The following NOX5 variants were observed in gnomAD, a reference collection of about 807,000 sequenced individuals.
NOX5 encodes NADPH oxidase 5, also known as NADPH oxidase, EF-hand calcium binding domain 5.
Under a neutral mutation model 85.7 loss-of-function variants are expected in NOX5, and 76 were observed. The ratio of observed to expected loss-of-function variants is 0.89; its 90% CI spans 0.74 to 1.07. The LOEUF is 1.07. Among genes scored for constraint, NOX5 ranks in the 50% least tolerant of loss-of-function variants. The pLI is 0.00. For missense variants in NOX5, 973 were observed against 999.5 expected (o/e 0.97, Z 0.36); for synonymous variants, 405 against 401.4 (o/e 1.01, Z -0.11).
Position 69,053,549 on chromosome 15 carries a change from A to T in NOX5, c.2000-1785A>T, listed in dbSNP as rs188867902. On this transcript the variant is annotated intron_variant, in intron 14 of 15. Transcript: ENST00000388866. ...CCGTAAATTATTTAACCAAGCTCCT[A>T]CTACTGTACATTTTGTTTATTCCTC... 2.6e-3 allele frequency among the ~76,000 whole-genome samples: 399 copies of T among 152,340 alleles called. 1 individual carries two copies. Among genetic ancestry groups the T allele is most frequent in the Admixed American group, 0.01 (157 of 15,294 alleles).
intron 10 of NOX5, among the ~76,000 whole-genome samples, chr15:69,045,388 T>A (rs908622326): frequency 3.9e-5 from 6 of 152,142 alleles, no homozygotes; most frequent in African/African-American, 1.4e-4. Flanking sequence ...ACAATGAGAA[T>A]CAATGTTATT....
intron 9 of NOX5, among the ~76,000 whole-genome samples, chr15:69,041,866 G>C (rs965640498): frequency 6.6e-6 from 1 of 151,410 alleles, no homozygotes; most frequent in Admixed American, 6.6e-5. Flanking sequence ...TTTTTTGTTT[G>C]TGTGATTTTT....
chr15:69,032,899 T>C (rs1595776649), intron 4 of NOX5, 144 bp from the exon 5 acceptor site: 3 of 1,153,678 alleles, frequency 2.6e-6, no homozygotes, highest in South Asian at 3.1e-5. Context: ...ACCAAGCCAC[T>C]TGACCTCTCT....
At chr15:69,049,501 T>C (rs1038046118) in intron 14 of NOX5, among the ~76,000 whole-genome samples, 2 of 151,786 alleles carry the variant, frequency 1.3e-5, no homozygotes, top group Non-Finnish European at 1.5e-5. Flanking sequence ...AGTTGAAAAA[T>C]AGAAGGGGGA....
intron 9 of NOX5, among the ~76,000 whole-genome samples, chr15:69,042,255 G>C (rs1273226414): frequency 6.6e-6 from 1 of 152,036 alleles, no homozygotes; most frequent in East Asian, 1.9e-4. Flanking sequence ...CCCAGGCATG[G>C]GTATCATGAA....
intron 14 of NOX5, among the ~76,000 whole-genome samples, chr15:69,051,975 A>T (rs1400312059): frequency 6.6e-6 from 1 of 152,014 alleles, no homozygotes; most frequent in Non-Finnish European, 1.5e-5. Context: ...GTGCTTTGGG[A>T]GGCCAAGGTA....
rs1250403276 is a variant in NOX5 at position 69,035,405 on chromosome 15, C to G, written c.907C>G (p.Gln303Glu). 6 of 1,614,060 alleles carry G rather than the reference C, an allele frequency of 3.7e-6. No homozygotes were observed. The highest frequency in any genetic ancestry group is 5.1e-6 in the Non-Finnish European group (6 of 1,180,052). The change falls in exon 6 of 16, where the codon CAA becomes GAA. Residue 303 changes from glutamine (Q) to glutamate (E), a missense_variant. By Grantham distance (29) the Gln-to-Glu change is conservative. Coordinates refer to ENST00000388866, the MANE Select transcript of NOX5 (RefSeq NM_024505.4). ...CTGGCTGCGGGCCACGTGGCTGGCT[C>G]AAGTCCTACCACTGGACCAGAACAT... ...LTWLRATWLA[Q>E]VLPLDQNIQF...
In NOX5 at chr15:69,047,535, C is replaced by A. The variant is rs774163753; in HGVS notation, c.1815C>A (p.Tyr605Ter). Residue 605 changes from tyrosine (Y) to a stop codon, truncating the protein, a stop_gained and splice_region_variant, in exon 12 of 16, where the codon TAC becomes TAA. Transcript: ENST00000388866. LOFTEE classifies it high-confidence loss of function. ...PFASILQSIM[Y>*]RHQKRKHTCP... is the part of the protein sequence containing the mutation. The stretch of plus-strand genomic sequence containing the variant: ...CTTCCATTCTGCAGAGTATCATGTA[C>A]AGGTGGGTGAACAGTGTGCTCCTGC... The A allele has an allele frequency of 1.2e-6, 2 of 1,613,466 alleles. No homozygotes were observed. Among genetic ancestry groups the A allele is most frequent in the Non-Finnish European group, 1.7e-6 (2 of 1,179,738 alleles).
At position 69,059,648 on chromosome 15, in the gene NOX5, A is replaced by C. The variant is rs1024380381; in HGVS notation, c.*2952A>C. ...GTCTGCCTCGGTGGACATGTCATCG[A>C]AGGCAGCAGGACCACACATGTGAGT... is the stretch of plus-strand genomic sequence containing the variant. On this transcript the variant is annotated 3_prime_UTR_variant, in exon 16 of 16. Transcript: ENST00000388866. 1 of 152,080 alleles carries C rather than the reference A, an allele frequency of 6.6e-6. No homozygotes were observed. The highest frequency in any genetic ancestry group is 2.4e-5 in the African/African-American group (1 of 41,378). 9.4% of individuals were successfully genotyped at this position (152,080 alleles called of 1,614,324 possible). A position where few individuals can be genotyped will look rare whatever the true frequency, so the allele number is the denominator to read the frequency against.
chr15:69,026,453 G>A (rs1426320211), intron 1 of NOX5, 75 bp from the exon 2 acceptor site: 8 of 1,596,496 alleles, frequency 5.0e-6, no homozygotes, highest in South Asian at 1.1e-5. Context: ...CAAGGCAGAG[G>A]CCCTGGGACC....
In NOX5 at chr15:69,058,506, CG is replaced by C. The variant is rs2050840839; in HGVS notation, c.*1813del. On this transcript the variant is annotated 3_prime_UTR_variant, in exon 16 of 16. Coordinates refer to ENST00000388866, the MANE Select transcript of NOX5 (RefSeq NM_024505.4). ...GTCATCTTTAAGATGTGAGGAGGAACGGGAAGAAGAATACGAGAGGAGGAGT... is the reference window on the plus strand; with the variant it reads ...GTCATCTTTAAGATGTGAGGAGGAACGGAAGAAGAATACGAGAGGAGGAGT... 1 of 152,542 alleles carries C rather than the reference CG, an allele frequency of 6.6e-6. No individual in the cohort carries two copies. Among genetic ancestry groups the C allele is most frequent in the Admixed American group, 6.5e-5 (1 of 15,270 alleles). 9.4% of individuals were successfully genotyped at this position (152,542 alleles called of 1,614,324 possible).
rs144715681 is a variant in NOX5, at chr15:69,041,109, G to A, written c.1505-1554G>A. Reference sequence around the variant, plus strand: ...TGGGGGCTGATAATATACCAACTTCGTTTACAGAGCTTGTTTACTGGAGTC... The same window carrying A: ...TGGGGGCTGATAATATACCAACTTCATTTACAGAGCTTGTTTACTGGAGTC... On this transcript the variant is annotated intron_variant, in intron 9 of 15. Coordinates refer to ENST00000388866, the MANE Select transcript of NOX5 (RefSeq NM_024505.4). Among the ~76,000 whole-genome samples the A allele has an allele frequency of 1.4e-3, 213 of 152,300 alleles. 1 individual carries two copies. Among genetic ancestry groups the A allele is most frequent in the Non-Finnish European group, 9.6e-4 (65 of 68,030 alleles).
In NOX5 at chr15:69,058,188, T is replaced by C. The variant is rs565288582; in HGVS notation, c.*1492T>C. The C allele has an allele frequency of 6.6e-6, 1 of 152,436 alleles. No homozygotes were observed. Among genetic ancestry groups the C allele is most frequent in the East Asian group, 1.9e-4 (1 of 5,182 alleles). The allele number at this position is 152,436 out of a possible 1,614,324, so 9.4% of individuals were successfully genotyped here. A position where few individuals can be genotyped will look rare whatever the true frequency, so the allele number is the denominator to read the frequency against. Reference sequence around the variant, plus strand: ...AATGGGATTGTAGCTGGCACCTTTCTTTTCCATGGGTTGGAAGTCCATGGT... The same window carrying C: ...AATGGGATTGTAGCTGGCACCTTTCCTTTCCATGGGTTGGAAGTCCATGGT... On this transcript the variant is annotated 3_prime_UTR_variant, in exon 16 of 16. Coordinates refer to ENST00000388866, the MANE Select transcript of NOX5 (RefSeq NM_024505.4).
intron 12 of NOX5, 110 bp downstream of exon 12, chr15:69,047,647 T>A: frequency 7.1e-7 from 1 of 1,417,076 alleles, no homozygotes. Flanking sequence ...CCTGTCTCTC[T>A]CTGCTCTTCT....
rs2650979 is a variant in NOX5 at position 69,016,447 on chromosome 15, C to A, written c.50+1662C>A. ...TTTATAGGCGAGGAGAGAGTGAGAA[C>A]CTAGACAGGTGGTCCGCAAGAAGAA... On this transcript the variant is annotated intron_variant, in intron 1 of 15. Coordinates refer to ENST00000388866, the MANE Select transcript of NOX5 (RefSeq NM_024505.4). 8.7e-3 allele frequency among the ~76,000 whole-genome samples: 1,330 copies of A among 152,260 alleles called. 17 individuals carry two copies. Among genetic ancestry groups the A allele is most frequent in the African/African-American group, 0.029 (1,207 of 41,546 alleles).
chr15:69,038,978 C>T lies in NOX5; in HGVS notation c.1493C>T (p.Pro498Leu). 2 of 1,614,180 alleles carry T rather than the reference C, an allele frequency of 1.2e-6. No homozygotes were observed. The highest frequency in any genetic ancestry group is 1.3e-5 in the African/African-American group (1 of 75,044). The change falls in exon 9 of 16, where the codon CCT (proline) becomes CTT (leucine). Residue 498 changes from proline (P) to leucine (L), a missense_variant. Coordinates refer to ENST00000388866, the MANE Select transcript of NOX5 (RefSeq NM_024505.4). Reference sequence around the variant, plus strand: ...CACCCCTTCACCATCAGCAGTGCTCCTGAGCAGAAAGGTAATGGCCACCTC... The same window carrying T: ...CACCCCTTCACCATCAGCAGTGCTCTTGAGCAGAAAGGTAATGGCCACCTC... ...EWHPFTISSA[P>L]EQKDTIWLHI...
chr15:69,056,803 C>T lies in NOX5; in HGVS notation c.*107C>T. ...GCCTCAGATGACCCACCCAATAAGA[C>T]AAAGCCTAGGGACCCCCTAATCCTG... On this transcript the variant is annotated 3_prime_UTR_variant, in exon 16 of 16. Coordinates refer to ENST00000388866, the MANE Select transcript of NOX5 (RefSeq NM_024505.4). The T allele has an allele frequency of 7.1e-7, 1 of 1,405,932 alleles. No homozygotes were observed. Among genetic ancestry groups the T allele is most frequent in the Non-Finnish European group, 9.6e-7 (1 of 1,042,168 alleles). 87.1% of individuals were successfully genotyped at this position (1,405,932 alleles called of 1,614,324 possible).
In NOX5 at chr15:69,056,729, A is replaced by T; in HGVS notation, c.*33A>T. The T allele has an allele frequency of 6.2e-7, 1 of 1,610,736 alleles. No homozygotes were observed. The highest frequency in any genetic ancestry group is 8.5e-7 in the Non-Finnish European group (1 of 1,178,822). Reference sequence around the variant, plus strand: ...TCTCCAAGCTCTGCCCCAAGTCCACACCATGGGTCTGCTTCATTGCATTAG... The same window carrying T: ...TCTCCAAGCTCTGCCCCAAGTCCACTCCATGGGTCTGCTTCATTGCATTAG... On this transcript the variant is annotated 3_prime_UTR_variant, in exon 16 of 16. Coordinates refer to ENST00000388866, the MANE Select transcript of NOX5 (RefSeq NM_024505.4).
At chr15:69,017,969 C>T (rs1300549858) in intron 1 of NOX5, among the ~76,000 whole-genome samples, 2 of 151,998 alleles carry the variant, frequency 1.3e-5, no homozygotes, top group African/African-American at 2.4e-5. Context: ...GTAATACCAG[C>T]GGCTCTGAGA....
Sources: allele counts gnomAD v4.1 joint callset (sites outside exome capture counted in the v4.1 genomes callset), GRCh38; gene constraint gnomAD v4.1.1; transcripts MANE v1.5; gene names NCBI Gene and HGNC (gene_info 2026-07-23, HGNC 2026-07-21).